The following CHST5 variants were observed in gnomAD, a reference collection of about 807,000 sequenced individuals.
CHST5 encodes the protein GST4-alpha.
For missense variants in CHST5, 637 were observed against 602.1 expected (o/e 1.06, Z -0.61); for synonymous variants, 313 against 279.2 (o/e 1.12, Z -1.21).
chr16:75,533,412 C>T (rs1032639205), intron 2 of CHST5, among the ~76,000 whole-genome samples: 1 of 152,056 alleles, frequency 6.6e-6, no homozygotes, highest in South Asian at 2.1e-4. Context: ...GGGCTTAAGT[C>T]CAAGAGCCAG....
rs1164899321 is a variant in CHST5, at chr16:75,529,936, G to A, written c.449C>T (p.Ala150Val). ...SAFFNWATSR[A>V]LCSPPACSAF... is the part of the protein sequence containing the mutation. ...GCTGCAGGCGGGCGGCGAGCACAGCGCGCGGCTCGTTGCCCAGTTGAAAAA... is the reference window on the plus strand; with the variant it reads ...GCTGCAGGCGGGCGGCGAGCACAGCACGCGGCTCGTTGCCCAGTTGAAAAA... Residue 150 changes from alanine to valine, a missense_variant, in exon 4 of 4, where the codon GCG becomes GTG. Ala to Val is a moderately conservative substitution (Grantham distance 64). Transcript: ENST00000336257. 1.9e-6 allele frequency: 3 copies of A among 1,613,132 alleles called. No homozygotes were observed. The highest frequency in any genetic ancestry group is 2.2e-5 in the East Asian group (1 of 44,878).
Position 75,528,974 on chromosome 16 carries a change from C to T in CHST5, c.*175G>A. The T allele has an allele frequency of 3.1e-6, 2 of 653,274 alleles. No homozygotes were observed. The highest frequency in any genetic ancestry group is 2.5e-5 in the South Asian group (1 of 40,588). 40.5% of individuals were successfully genotyped at this position (653,274 alleles called of 1,614,324 possible). ...AGCTCCAGAAGACTCAAAGGAAAAC[C>T]GAGAATCAGGAGAGAAAGAAACGTG... On this transcript the variant is annotated 3_prime_UTR_variant, in exon 4 of 4. Transcript: ENST00000336257.
rs2080514062 is a variant in CHST5, at chr16:75,530,929, A to G, written c.-545T>C. The G allele has an allele frequency of 1.0e-6, 1 of 1,002,290 alleles. No homozygotes were observed. The highest frequency in any genetic ancestry group is 1.2e-6 in the Non-Finnish European group (1 of 831,870). 62.1% of individuals were successfully genotyped at this position (1,002,290 alleles called of 1,614,324 possible). A position where few individuals can be genotyped will look rare whatever the true frequency, so the allele number is the denominator to read the frequency against. On this transcript the variant is annotated 5_prime_UTR_variant, in exon 4 of 4. Coordinates refer to ENST00000336257, the MANE Select transcript of CHST5 (RefSeq NM_024533.5). ...GGGGGATTGGGGGGTTATTATAATG[A>G]AGATGGGGGAAGGGAACACGCAGTC...
Position 75,530,347 on chromosome 16 carries a change from G to C in CHST5, c.38C>G (p.Ser13Cys). ...GCGGGCGGCTGGGGGCCTTCGGGTGGAGTGGGCAACTTTAGGGACCCGGGC... is the reference window on the plus strand; with the variant it reads ...GCGGGCGGCTGGGGGCCTTCGGGTGCAGTGGGCAACTTTAGGGACCCGGGC... ...MRARVPKVAH[S>C]TRRPPAARMW... Residue 13 changes from serine to cysteine, a missense_variant, in exon 4 of 4, where the codon TCC becomes TGC. Coordinates refer to ENST00000336257, the MANE Select transcript of CHST5 (RefSeq NM_024533.5). 2 of 1,581,502 alleles carry C rather than the reference G, an allele frequency of 1.3e-6. No individual in the cohort carries two copies. The highest frequency in any genetic ancestry group is 1.7e-6 in the Non-Finnish European group (2 of 1,164,212).
In CHST5 at chr16:75,530,115, G is replaced by A; in HGVS notation, c.270C>T (p.Tyr90=). Residue 90 remains tyrosine, a synonymous_variant, in exon 4 of 4, where the codon TAC becomes TAT. Transcript: ENST00000336257. ...ACACATGCCACGCGGGCTCCATCAG[G>A]TAGAAGACGTCGGGGTGCTGGCTGA... is the stretch of plus-strand genomic sequence containing the variant. ...QLFSQHPDVF[Y]LMEPAWHVWT... The A allele has an allele frequency of 6.2e-7, 1 of 1,613,498 alleles. No homozygotes were observed. The highest frequency in any genetic ancestry group is 8.5e-7 in the Non-Finnish European group (1 of 1,179,984).
At position 75,529,370 on chromosome 16, in the gene CHST5, C is replaced by T; in HGVS notation, c.1015G>A (p.Glu339Lys). The change falls in exon 4 of 4, where the codon GAG becomes AAG. Residue 339 changes from glutamate to lysine, a missense_variant. Coordinates refer to ENST00000336257, the MANE Select transcript of CHST5 (RefSeq NM_024533.5). Reference protein sequence around the residue: ...THGSGIGKPIEAFHTSSRNAR... With the variant: ...THGSGIGKPIKAFHTSSRNAR... Reference sequence around the variant, plus strand: ...TTCCTAGACGAAGTATGGAAGGCCTCGATTGGCTTGCCGATCCCCGACCCG... The same window carrying T: ...TTCCTAGACGAAGTATGGAAGGCCTTGATTGGCTTGCCGATCCCCGACCCG... 1 of 1,613,068 alleles carries T rather than the reference C, an allele frequency of 6.2e-7. No homozygotes were observed. Among genetic ancestry groups the T allele is most frequent in the African/African-American group, 1.3e-5 (1 of 75,058 alleles).
At position 75,528,559 on chromosome 16, in the gene CHST5, TA is replaced by T. The variant is rs925721702; in HGVS notation, c.*589del. ...AGGACTTTTGAACAAATTTATTACT[TA>T]TTTTTTTGATAGAGTCTTGCTCTGC... is the stretch of plus-strand genomic sequence containing the variant. On this transcript the variant is annotated 3_prime_UTR_variant, in exon 4 of 4. Coordinates refer to ENST00000336257, the MANE Select transcript of CHST5 (RefSeq NM_024533.5). The T allele has an allele frequency of 1.3e-5, 2 of 152,196 alleles. No individual in the cohort carries two copies. The highest frequency in any genetic ancestry group is 4.8e-5 in the African/African-American group (2 of 41,434). 9.4% of individuals were successfully genotyped at this position (152,196 alleles called of 1,614,324 possible). A position where few individuals can be genotyped will look rare whatever the true frequency, so the allele number is the denominator to read the frequency against.
intron 3 of CHST5, among the ~76,000 whole-genome samples, chr16:75,532,454 C>T (rs1416631423): frequency 2.6e-5 from 4 of 152,218 alleles, no homozygotes; most frequent in African/African-American, 9.7e-5. Flanking sequence ...GCATCCTTTG[C>T]TCCTTGCCTG....
chr16:75,533,319 G>A, intron 2 of CHST5, 136 bp from the exon 3 acceptor site: 1 of 682,152 alleles, frequency 1.5e-6, no homozygotes, highest in African/African-American at 1.8e-5. Context: ...TCCCTTGGAG[G>A]TAGAAATAAC....
At chr16:75,535,897 C>T (rs1379223627) in intron 1 of CHST5, among the ~76,000 whole-genome samples, 147 bp downstream of exon 1, 1 of 152,224 alleles carries the variant, frequency 6.6e-6, no homozygotes, top group Non-Finnish European at 1.5e-5. Context: ...AACCTGGGAG[C>T]TCCTGGGAGG....
At chr16:75,533,381 A>G (rs2080539075) in intron 2 of CHST5, among the ~76,000 whole-genome samples, 198 bp from the exon 3 acceptor site, 1 of 152,128 alleles carries the variant, frequency 6.6e-6, no homozygotes, top group Non-Finnish European at 1.5e-5. Flanking sequence ...ATTAATACCC[A>G]GTAAGAAAGA....
chr16:75,530,808 A>G lies in CHST5; in HGVS notation c.-424T>C, dbSNP rs2080512713. ...TGGCTCTGCCACTTCCTAGCCTATG[A>G]TCTTGCTTATGAAGATCACTTAAAT... On this transcript the variant is annotated 5_prime_UTR_variant, in exon 4 of 4. Coordinates refer to ENST00000336257, the MANE Select transcript of CHST5 (RefSeq NM_024533.5). 1 of 1,018,632 alleles carries G rather than the reference A, an allele frequency of 9.8e-7. No homozygotes were observed. The highest frequency in any genetic ancestry group is 1.7e-5 in the African/African-American group (1 of 57,624). The allele number at this position is 1,018,632 out of a possible 1,614,324, so 63.1% of individuals were successfully genotyped here.
rs200859050 is a variant in CHST5, at chr16:75,530,137, C to T, written c.248G>A (p.Ser83Asn). 27 of 1,613,570 alleles carry T rather than the reference C, an allele frequency of 1.7e-5. No individual in the cohort carries two copies. The African/African-American group carries it at 2.5e-4, about 15-fold the overall frequency. The change falls in exon 4 of 4, where the codon AGC becomes AAC. Residue 83 changes from serine (S) to asparagine (N), a missense_variant. Ser to Asn is a conservative substitution (Grantham distance 46, BLOSUM62 1). Coordinates refer to ENST00000336257, the MANE Select transcript of CHST5 (RefSeq NM_024533.5). ...SGSSFLGQLF[S>N]QHPDVFYLME... ...CAGGTAGAAGACGTCGGGGTGCTGG[C>T]TGAAGAGCTGGCCCAAGAAGGATGA...
At position 75,529,640 on chromosome 16, in the gene CHST5, C is replaced by T. The variant is rs750187814; in HGVS notation, c.745G>A (p.Gly249Ser). 1.2e-6 allele frequency: 2 copies of T among 1,611,086 alleles called. No homozygotes were observed. Among genetic ancestry groups the T allele is most frequent in the Non-Finnish European group, 1.7e-6 (2 of 1,178,980 alleles). Residue 249 changes from glycine (G) to serine (S), a missense_variant, in exon 4 of 4, where the codon GGC becomes AGC. By Grantham distance (56) the Gly-to-Ser change is moderately conservative. Transcript: ENST00000336257. Reference sequence around the variant, plus strand: ...GCCTCCACCCACTTGCCGTTGGTGCCCAGCACGATGCCGTTGTCGCGTGCC... The same window carrying T: ...GCCTCCACCCACTTGCCGTTGGTGCTCAGCACGATGCCGTTGTCGCGTGCC... Reference protein sequence around the residue: ...ILARDNGIVLGTNGKWVEADP... With the variant: ...ILARDNGIVLSTNGKWVEADP...
chr16:75,533,524 G>GT (rs1362715175), intron 2 of CHST5, among the ~76,000 whole-genome samples: 2 of 151,958 alleles, frequency 1.3e-5, no homozygotes, highest in Non-Finnish European at 2.9e-5. Context: ...AAATTCTTCC[G>GT]TTTTTTGATT....
At position 75,536,045 on chromosome 16, in the gene CHST5, T is replaced by C. The variant is rs1444635831; in HGVS notation, c.-1636A>G. 6.6e-6 allele frequency among the ~76,000 whole-genome samples: 1 copy of C among 152,146 alleles called. No individual in the cohort carries two copies. The highest frequency in any genetic ancestry group is 2.4e-5 in the African/African-American group (1 of 41,434). On this transcript the variant is annotated splice_region_variant and 5_prime_UTR_variant, in exon 1 of 4. Transcript: ENST00000336257. ...AGCCCTAAGCCAAGACCCAGGCACC[T>C]TGATGACACAGGAATCCGTGCTGCC...
Position 75,529,319 on chromosome 16 carries a change from G to A in CHST5, c.1066C>T (p.Arg356Cys), listed in dbSNP as rs745564989. The A allele has an allele frequency of 6.2e-7, 1 of 1,613,162 alleles. No individual in the cohort carries two copies. Among genetic ancestry groups the A allele is most frequent in the East Asian group, 2.2e-5 (1 of 44,884 alleles). ...ATCTTAGTGAAGGGCAACGCGTGGCGCCAGGCCTGGGAGACGTTGCGCGCA... is the reference window on the plus strand; with the variant it reads ...ATCTTAGTGAAGGGCAACGCGTGGCACCAGGCCTGGGAGACGTTGCGCGCA... Reference protein sequence around the residue: ...RNARNVSQAWRHALPFTKILR... With the variant: ...RNARNVSQAWCHALPFTKILR... Residue 356 changes from arginine to cysteine, a missense_variant, in exon 4 of 4, where the codon CGC (arginine) becomes TGC (cysteine). Transcript: ENST00000336257.
Position 75,530,972 on chromosome 16 carries a change from T to C in CHST5, c.-588A>G, listed in dbSNP as rs898852432. On this transcript the variant is annotated 5_prime_UTR_variant, in exon 4 of 4. Coordinates refer to ENST00000336257, the MANE Select transcript of CHST5 (RefSeq NM_024533.5). Reference sequence around the variant, plus strand: ...ACGCAGTCATGCCCATAACTGAGGATTGCACCTTTTACAAGGTGTGCTTCT... The same window carrying C: ...ACGCAGTCATGCCCATAACTGAGGACTGCACCTTTTACAAGGTGTGCTTCT... 14 of 1,002,296 alleles carry C rather than the reference T, an allele frequency of 1.4e-5. No homozygotes were observed. Among genetic ancestry groups the C allele is most frequent in the South Asian group, 9.3e-5 (2 of 21,396 alleles). The allele number at this position is 1,002,296 out of a possible 1,614,324, so 62.1% of individuals were successfully genotyped here. A position where few individuals can be genotyped will look rare whatever the true frequency, so the allele number is the denominator to read the frequency against.
rs748412378 is a variant in CHST5 at position 75,529,835 on chromosome 16, G to A, written c.550C>T (p.Arg184Trp). The A allele has an allele frequency of 3.1e-6, 5 of 1,613,580 alleles. No homozygotes were observed. The highest frequency in any genetic ancestry group is 2.2e-5 in the East Asian group (1 of 44,858). ...LCTRQPFSLA[R>W]EACRSYSHVV... ...TGGCTGTAGGAGCGGCAGGCCTCCC[G>A]GGCCAGGCTGAATGGCTGCCGCGTG... The change falls in exon 4 of 4, where the codon CGG (arginine) becomes TGG (tryptophan). Residue 184 changes from arginine (R) to tryptophan (W), a missense_variant. Coordinates refer to ENST00000336257, the MANE Select transcript of CHST5 (RefSeq NM_024533.5).
Sources: allele counts gnomAD v4.1 joint callset (sites outside exome capture counted in the v4.1 genomes callset), GRCh38; gene constraint gnomAD v4.1.1; transcripts MANE v1.5; gene names NCBI Gene and HGNC (gene_info 2026-07-23, HGNC 2026-07-21).